KRT15: variants seen among roughly 807,000 people sequenced by gnomAD.
KRT15 encodes keratin 15.
Under a neutral mutation model 46.6 loss-of-function variants are expected in KRT15, and 45 were observed. The ratio of observed to expected loss-of-function variants is 0.97; its 90% CI spans 0.76 to 1.24. The LOEUF (loss-of-function observed/expected upper bound fraction) is 1.24, where lower values mean the gene tolerates loss of function less well. Among genes scored for constraint, KRT15 ranks in the 50% most tolerant of loss-of-function variants. The pLI is 0.00. For missense variants in KRT15, 592 were observed against 588.9 expected (o/e 1.01, Z -0.05); for synonymous variants, 221 against 233.8 (o/e 0.95, Z 0.50).
rs78272919 is a variant in KRT15, at chr17:41,517,114, C to T, written c.550G>A (p.Ala184Thr). The T allele has an allele frequency of 1.9e-6, 3 of 1,614,164 alleles. No homozygotes were observed. The highest frequency in any genetic ancestry group is 2.5e-6 in the Non-Finnish European group (3 of 1,180,034). ...NSRVILEIDN[A>T]RLAADDFRLK... is the part of the protein sequence containing the mutation. ...CTGAAGTCGTCCGCAGCCAGCCTGG[C>T]ATTGTCGATCTCCAGGATGACCCGG... Residue 184 changes from alanine to threonine, a missense_variant, in exon 2 of 8, where the codon GCC (alanine) becomes ACC (threonine). Transcript: ENST00000254043.
chr17:41,516,013 G>A lies in KRT15; in HGVS notation c.901-3C>T, dbSNP rs762581736. On this transcript the variant is annotated splice_region_variant and splice_polypyrimidine_tract_variant and intron_variant, in intron 4 of 7. Transcript: ENST00000254043. ...ACCTCTTTGTTCAGCTCCTCAGTCTGTAGGTCATGCACAACAGAAGTGAGC... is the reference window on the plus strand; with the variant it reads ...ACCTCTTTGTTCAGCTCCTCAGTCTATAGGTCATGCACAACAGAAGTGAGC... The A allele has an allele frequency of 9.3e-6, 15 of 1,614,078 alleles. No individual in the cohort carries two copies. The South Asian group carries it at 1.3e-4, about 14-fold the overall frequency.
chr17:41,518,757 A>G lies in KRT15; in HGVS notation c.71T>C (p.Leu24Pro). The change falls in exon 1 of 8, where the codon CTG (leucine) becomes CCG (proline). Residue 24 changes from leucine to proline, a missense_variant. Transcript: ENST00000254043. ...CCCACCAAAGCCACCTCCCCCAGCC[A>G]GGAGGGAACCCCCTCGGGTTGAGCC... is the stretch of plus-strand genomic sequence containing the variant. The part of the protein sequence containing the change: ...GGGSTRGGSL[L>P]AGGGGFGGGS... 3 of 1,387,046 alleles carry G rather than the reference A, an allele frequency of 2.2e-6. No homozygotes were observed. Among genetic ancestry groups the G allele is most frequent in the Non-Finnish European group, 2.9e-6 (3 of 1,040,324 alleles). The allele number at this position is 1,387,046 out of a possible 1,614,324, so 85.9% of individuals were successfully genotyped here.
Position 41,513,749 on chromosome 17 carries a change from T to C in KRT15, c.*274A>G. Reference sequence around the variant, plus strand: ...ACTGGACATACTGCCAAGAGATATTTGCAAAAGGAAAAGTAATTCTTTATT... The same window carrying C: ...ACTGGACATACTGCCAAGAGATATTCGCAAAAGGAAAAGTAATTCTTTATT... On this transcript the variant is annotated 3_prime_UTR_variant, in exon 8 of 8. Transcript: ENST00000254043. 2 of 338,018 alleles carry C rather than the reference T, an allele frequency of 5.9e-6. No homozygotes were observed. The highest frequency in any genetic ancestry group is 8.6e-5 in the Admixed American group (2 of 23,382). The allele number at this position is 338,018 out of a possible 1,614,324, so 20.9% of individuals were successfully genotyped here. A position where few individuals can be genotyped will look rare whatever the true frequency, so the allele number is the denominator to read the frequency against.
intron 7 of KRT15, 186 bp downstream of exon 7, chr17:41,514,463 A>G (rs948867341): frequency 8.0e-6 from 5 of 621,620 alleles, no homozygotes; most frequent in Non-Finnish European, 1.4e-5. Context: ...TTCTCAATAA[A>G]TCACCAGCTG....
intron 6 of KRT15, 68 bp from the exon 7 acceptor site, chr17:41,514,742 G>A (rs1905274935): frequency 2.6e-6 from 4 of 1,533,904 alleles, no homozygotes; most frequent in Non-Finnish European, 1.8e-6. Flanking sequence ...GGAAGCTCAT[G>A]TAGATAGCTA....
chr17:41,514,960 G>A (rs1402286417), intron 6 of KRT15: 3 of 339,520 alleles, frequency 8.8e-6, no homozygotes, highest in East Asian at 5.8e-5. Context: ...TCCGCCTCCC[G>A]GGTTCAAGTG....
intron 3 of KRT15, 78 bp from the exon 4 acceptor site, chr17:41,516,343 C>G (rs1267288991): frequency 1.2e-5 from 18 of 1,479,622 alleles, no homozygotes; most frequent in Non-Finnish European, 1.7e-5. Context: ...CATGCCAATC[C>G]TGGCTCTGCC....
At chr17:41,515,436 C>A in intron 6 of KRT15, 36 bp downstream of exon 6, 1 of 1,581,422 alleles carries the variant, frequency 6.3e-7, no homozygotes, top group Non-Finnish European at 8.7e-7. Context: ...CCACAAGCAG[C>A]CCTCATCACT....
At position 41,514,120 on chromosome 17, in the gene KRT15, G is replaced by A; in HGVS notation, c.1274C>T (p.Ala425Val). ...AKMAGIAIRE[A>V]SSGGGGSSSN... ...GCTGCTACCACCACCTCCTGAAGAG[G>A]CTAGAGAGAGAAGGAGTAGGCTTTA... Residue 425 changes from alanine to valine, a missense_variant and splice_region_variant, in exon 8 of 8, where the codon GCC becomes GTC. Physicochemically the swap from Ala to Val is moderately conservative, Grantham distance 64. Transcript: ENST00000254043. 1 of 1,612,648 alleles carries A rather than the reference G, an allele frequency of 6.2e-7. No homozygotes were observed. The highest frequency in any genetic ancestry group is 8.5e-7 in the Non-Finnish European group (1 of 1,178,630).
Position 41,518,730 on chromosome 17 carries a change from C to T in KRT15, c.98G>A (p.Gly33Glu), listed in dbSNP as rs767225716. 5 of 1,606,080 alleles carry T rather than the reference C, an allele frequency of 3.1e-6. No homozygotes were observed. Among genetic ancestry groups the T allele is most frequent in the South Asian group, 1.1e-5 (1 of 90,656 alleles). The change falls in exon 1 of 8, where the codon GGG becomes GAG. Residue 33 changes from glycine (G) to glutamate (E), a missense_variant. Transcript: ENST00000254043. ...GCTTCCACCTCCCCCAGAGAGACTC[C>T]CCCCACCAAAGCCACCTCCCCCAGC... ...LLAGGGGFGG[G>E]SLSGGGGSRS...
In KRT15 at chr17:41,517,116, T is replaced by C. The variant is rs1420505651; in HGVS notation, c.548A>G (p.Asn183Ser). 2.5e-6 allele frequency: 4 copies of C among 1,613,970 alleles called. No individual in the cohort carries two copies. The highest frequency in any genetic ancestry group is 3.4e-6 in the Non-Finnish European group (4 of 1,180,024). ...DNSRVILEID[N>S]ARLAADDFRL... ...GAAGTCGTCCGCAGCCAGCCTGGCA[T>C]TGTCGATCTCCAGGATGACCCGGGA... Residue 183 changes from asparagine to serine, a missense_variant, in exon 2 of 8, where the codon AAT becomes AGT. Coordinates refer to ENST00000254043, the MANE Select transcript of KRT15 (RefSeq NM_002275.4).
intron 1 of KRT15, chr17:41,517,653 T>G: frequency 5.5e-6 from 1 of 181,638 alleles, no homozygotes; most frequent in African/African-American, 2.3e-5. Context: ...AGGAACCCAG[T>G]CTTAGGGAGT....
rs749895999 is a variant in KRT15 at position 41,515,553 on chromosome 17, T to A, written c.1166A>T (p.Tyr389Phe). ...RCEMEAQNQE[Y>F]KMLLDIKTRL... ...TGTCTTTATGTCAAGCAGCATCTTG[T>A]ACTCCTGGTTCTGAGCCTCCATCTC... The change falls in exon 6 of 8, where the codon TAC (tyrosine) becomes TTC (phenylalanine). Residue 389 changes from tyrosine (Y) to phenylalanine (F), a missense_variant. Transcript: ENST00000254043. The A allele has an allele frequency of 2.5e-6, 4 of 1,614,166 alleles. No homozygotes were observed. The highest frequency in any genetic ancestry group is 2.5e-6 in the Non-Finnish European group (3 of 1,180,040).
chr17:41,514,450 A>G, intron 7 of KRT15, 199 bp downstream of exon 7: 1 of 612,358 alleles, frequency 1.6e-6, no homozygotes, highest in East Asian at 2.8e-5. Context: ...TCAACCTGGA[A>G]GTTTCTCAAT....
Position 41,514,081 on chromosome 17 carries a change from A to G in KRT15, c.1313T>C (p.Ile438Thr). Residue 438 changes from isoleucine (I) to threonine (T), a missense_variant, in exon 8 of 8, where the codon ATC becomes ACC. Coordinates refer to ENST00000254043, the MANE Select transcript of KRT15 (RefSeq NM_002275.4). The stretch of plus-strand genomic sequence containing the variant: ...TCCATCCACTGACTCTTCTACATTG[A>G]TGTGGAAATTGCTGCTGCTACCACC... ...GGGGSSSNFH[I>T]NVEESVDGQV... 6.2e-7 allele frequency: 1 copy of G among 1,614,158 alleles called. No individual in the cohort carries two copies. Among genetic ancestry groups the G allele is most frequent in the Non-Finnish European group, 8.5e-7 (1 of 1,179,980 alleles).
In KRT15 at chr17:41,518,415, T is replaced by C. The variant is rs1230675052; in HGVS notation, c.413A>G (p.His138Arg). 1.9e-6 allele frequency: 3 copies of C among 1,613,946 alleles called. No individual in the cohort carries two copies. The highest frequency in any genetic ancestry group is 2.5e-6 in the Non-Finnish European group (3 of 1,180,002). ...EANADLEVKI[H>R]DWYQKQTPTS... ...TGGGGTCTGCTTCTGGTACCAGTCA[T>C]GGATCTTCACCTCCAGGTCAGCATT... Residue 138 changes from histidine (H) to arginine (R), a missense_variant, in exon 1 of 8, where the codon CAT becomes CGT. Physicochemically the swap from His to Arg is conservative, Grantham distance 29 (BLOSUM62 0). Coordinates refer to ENST00000254043, the MANE Select transcript of KRT15 (RefSeq NM_002275.4).
At position 41,516,792 on chromosome 17, in the gene KRT15, G is replaced by A. The variant is rs753308421; in HGVS notation, c.738+16C>T. The stretch of plus-strand genomic sequence containing the variant: ...CACCTCTCTCGGGTTCAGGGGTGAT[G>A]GGGGCCAGCTCTCACCTCTTCGTGG... On this transcript the variant is annotated intron_variant, in intron 3 of 7. Coordinates refer to ENST00000254043, the MANE Select transcript of KRT15 (RefSeq NM_002275.4). 4.3e-6 allele frequency: 7 copies of A among 1,613,614 alleles called. No homozygotes were observed. The highest frequency in any genetic ancestry group is 4.2e-6 in the Non-Finnish European group (5 of 1,179,696).
At position 41,515,465 on chromosome 17, in the gene KRT15, C is replaced by G. The variant is rs373260242; in HGVS notation, c.1247+7G>C. On this transcript the variant is annotated splice_region_variant and intron_variant, in intron 6 of 7. Coordinates refer to ENST00000254043, the MANE Select transcript of KRT15 (RefSeq NM_002275.4). ...CATCACTCCTTCCCCTGTGCCCAGG[C>G]GCCTACTTGGCATCCTGGCCCTCGA... is the stretch of plus-strand genomic sequence containing the variant. 6.2e-7 allele frequency: 1 copy of G among 1,611,368 alleles called. No homozygotes were observed. The highest frequency in any genetic ancestry group is 8.5e-7 in the Non-Finnish European group (1 of 1,178,834).
rs2305557 is a variant in KRT15 at position 41,516,134 on chromosome 17, G to A, written c.870C>T (p.Arg290=). The part of the protein sequence containing the change: ...EQYEAMAEKN[R]RDVEAWFFSK... ...TGAAGAACCAGGCCTCGACATCCCG[G>A]CGGTTCTTCTCCGCCATGGCCTCGT... is the stretch of plus-strand genomic sequence containing the variant. The change falls in exon 4 of 8, where the codon CGC becomes CGT. Residue 290 remains arginine, a synonymous_variant. Coordinates refer to ENST00000254043, the MANE Select transcript of KRT15 (RefSeq NM_002275.4). 2.1e-4 allele frequency: 341 copies of A among 1,614,182 alleles called. 1 individual carries two copies. In the African/African-American group the frequency reaches 3.4e-3, roughly 16 times the overall value.
Sources: allele counts gnomAD v4.1 joint callset, GRCh38; gene constraint gnomAD v4.1.1; transcripts MANE v1.5; gene names NCBI Gene and HGNC (gene_info 2026-07-23, HGNC 2026-07-21).